LY86: variants seen among roughly 807,000 people sequenced by gnomAD.
The protein encoded by LY86 is MD-1, RP105-associated.
In LY86, 20 loss-of-function variants were observed where a neutral mutation model predicts 17.3. The ratio of observed to expected loss-of-function variants is 1.15; its 90% confidence interval spans 0.81 to 1.68. LY86 has a LOEUF of 1.68. LY86 is among the 40% of genes most tolerant of loss of function. LY86 has a pLI of 0.00. For synonymous variants in LY86, 74 were observed against 70.6 expected, an observed-to-expected ratio of 1.05 and a Z score of -0.24; for missense variants, 200 against 191.9, an observed-to-expected ratio of 1.04 and a Z score of -0.25.
chr6:6,632,725 A>G (rs2113148042), intron 3 of LY86, among the ~76,000 whole-genome samples: 1 of 152,320 alleles, frequency 6.6e-6, no homozygotes, highest in African/African-American at 2.4e-5. Flanking sequence ...CCTTTGATCT[A>G]AGGTCAGCCT....
intron 1 of LY86, among the ~76,000 whole-genome samples, 167 bp from the exon 2 acceptor site, chr6:6,624,759 G>C (rs981265303): frequency 7.2e-5 from 11 of 151,990 alleles, no homozygotes; most frequent in African/African-American, 1.9e-4. Context: ...TTGAAGACAC[G>C]GGGGGGAGCT....
intron 1 of LY86, among the ~76,000 whole-genome samples, chr6:6,612,142 T>C (rs1451195029): frequency 1.3e-5 from 2 of 150,822 alleles, no homozygotes; most frequent in East Asian, 3.9e-4. Flanking sequence ...ACTCCTAAGA[T>C]TGATAGATGT....
chr6:6,654,712 G>C lies in LY86; in HGVS notation c.*85G>C. The C allele has an allele frequency of 8.5e-7, 1 of 1,170,700 alleles. No individual in the cohort carries two copies. The highest frequency in any genetic ancestry group is 1.3e-6 in the Non-Finnish European group (1 of 787,804). The allele number at this position is 1,170,700 out of a possible 1,614,324, so 72.5% of individuals were successfully genotyped here. ...GACTGAACCTACTGTGGGAGGAGAAGCAGCTGATGACAGAGAGAGGCTCTA... is the reference window on the plus strand; with the variant it reads ...GACTGAACCTACTGTGGGAGGAGAACCAGCTGATGACAGAGAGAGGCTCTA... On this transcript the variant is annotated 3_prime_UTR_variant, in exon 5 of 5. Transcript: ENST00000230568.
chr6:6,605,062 G>C (rs773364355), intron 1 of LY86, among the ~76,000 whole-genome samples: 24 of 149,582 alleles, frequency 1.6e-4, no homozygotes, highest in South Asian at 4.3e-4. Context: ...TTGCCACCGA[G>C]ACTCTCACTA....
At chr6:6,636,822 C>A (rs544847942) in intron 3 of LY86, among the ~76,000 whole-genome samples, 22 of 150,060 alleles carry the variant, frequency 1.5e-4, no homozygotes, top group South Asian at 4.2e-4. Context: ...GCTGCTGCAG[C>A]AAATTCATGC....
intron 3 of LY86, among the ~76,000 whole-genome samples, chr6:6,637,015 T>TG (rs1761969989): frequency 4.0e-5 from 6 of 148,450 alleles, no homozygotes; most frequent in Non-Finnish European, 7.5e-5. Flanking sequence ...TTTTTTTTTT[T>TG]TTTTTTTTTT....
Position 6,645,421 on chromosome 6 carries a change from C to T in LY86, c.353-4204C>T, listed in dbSNP as rs975256154. Among the ~76,000 whole-genome samples the T allele has an allele frequency of 3.9e-5, 6 of 152,186 alleles. No homozygotes were observed. In the East Asian group the frequency reaches 7.8e-4, roughly 20 times the overall value. On this transcript the variant is annotated intron_variant, in intron 3 of 4. Coordinates refer to ENST00000230568, the MANE Select transcript of LY86 (RefSeq NM_004271.4). ...GCTCTATGGGGAGGCATTGCTATTT[C>T]GATTTGCAAGCACAAAAGCTGAGTT...
chr6:6,644,789 G>A (rs1226538298), intron 3 of LY86, among the ~76,000 whole-genome samples: 2 of 152,052 alleles, frequency 1.3e-5, no homozygotes, highest in Non-Finnish European at 2.9e-5. Context: ...AATATACTGG[G>A]GCTCTTTTTA....
intron 1 of LY86, among the ~76,000 whole-genome samples, chr6:6,617,474 G>A (rs974655573): frequency 2.6e-5 from 4 of 152,144 alleles, no homozygotes; most frequent in Admixed American, 1.3e-4. Flanking sequence ...CTATAAATGA[G>A]AGATTTAGAG....
intron 1 of LY86, among the ~76,000 whole-genome samples, chr6:6,606,346 T>C (rs536987736): frequency 7.2e-5 from 11 of 152,236 alleles, no homozygotes; most frequent in African/African-American, 2.2e-4. Flanking sequence ...GTATTTACAA[T>C]CCCTTAGGTA....
intron 1 of LY86, among the ~76,000 whole-genome samples, chr6:6,617,156 C>A (rs908738036): frequency 5.9e-5 from 9 of 152,198 alleles, no homozygotes; most frequent in African/African-American, 1.9e-4. Context: ...GGCAAGTTCC[C>A]CTGATGCTTC....
intron 1 of LY86, among the ~76,000 whole-genome samples, chr6:6,612,000 A>ACACTGTGAGTACTGAG (rs1554124567): frequency 3.3e-5 from 5 of 151,702 alleles, no homozygotes; most frequent in East Asian, 1.9e-4. Context: ...TGAGTACTGA[A>ACACTGTGAGTACTGAG]CACTATGAAA....
intron 3 of LY86, among the ~76,000 whole-genome samples, chr6:6,636,252 A>T (rs909210232): frequency 3.9e-5 from 6 of 152,228 alleles, no homozygotes; most frequent in African/African-American, 7.2e-5. Flanking sequence ...CTTACCATTT[A>T]TGTGAACTCA....
At chr6:6,595,587 T>G (rs1475789083) in intron 1 of LY86, among the ~76,000 whole-genome samples, 58 of 148,090 alleles carry the variant, frequency 3.9e-4, no homozygotes, top group Non-Finnish European at 6.0e-5. Context: ...TTCCCAAGTA[T>G]CCCTCAGGAA....
intron 1 of LY86, among the ~76,000 whole-genome samples, chr6:6,589,467 C>T (rs921933788): frequency 1.3e-5 from 2 of 152,204 alleles, no homozygotes; most frequent in Non-Finnish European, 2.9e-5. Flanking sequence ...GTCACCCCAG[C>T]GGGCCAACCC....
At chr6:6,652,600 GACA>G (rs1315981393) in intron 4 of LY86, among the ~76,000 whole-genome samples, 1 of 152,152 alleles carries the variant, frequency 6.6e-6, no homozygotes, top group Non-Finnish European at 1.5e-5. Context: ...GAAGCATGTG[GACA>G]ACAACTTGTA....
chr6:6,625,088 G>C lies in LY86; in HGVS notation c.223+76G>C, dbSNP rs1270244999. On this transcript the variant is annotated intron_variant, in intron 2 of 4. Coordinates refer to ENST00000230568, the MANE Select transcript of LY86 (RefSeq NM_004271.4). ...CAACTCCACACACCCAATGACTTAT[G>C]TTAACTGTAATGACTGGCTAAACTA... The C allele has an allele frequency of 3.1e-5, 20 of 649,576 alleles. No individual in the cohort carries two copies. The East Asian group carries it at 6.1e-4, about 20-fold the overall frequency. 40.2% of individuals were successfully genotyped at this position (649,576 alleles called of 1,614,324 possible).
intron 4 of LY86, among the ~76,000 whole-genome samples, chr6:6,650,494 C>A (rs1328255002): frequency 6.6e-6 from 1 of 152,084 alleles, no homozygotes; most frequent in Non-Finnish European, 1.5e-5. Flanking sequence ...GCCACCACGC[C>A]CAGCTAATTT....
At chr6:6,622,120 AT>A (rs1761695323) in intron 1 of LY86, among the ~76,000 whole-genome samples, 5 of 152,208 alleles carry the variant, frequency 3.3e-5, no homozygotes, top group Non-Finnish European at 5.9e-5. Context: ...TTCTGCTTTT[AT>A]ATACATATCC....
Sources: gnomAD v4.1 joint callset for allele counts (sites outside exome capture counted in the v4.1 genomes callset) on GRCh38, gnomAD v4.1.1 for gene constraint, MANE v1.5 for transcripts, NCBI Gene and HGNC (gene_info 2026-07-23, HGNC 2026-07-21) for gene names.